The following C12orf42 variants were observed in gnomAD, a reference collection of about 807,000 sequenced individuals.
C12orf42 encodes the protein uncharacterized protein C12orf42.
C12orf42 carries 25 observed loss-of-function variants against 21.6 expected under a neutral mutation model. The observed-to-expected ratio is 1.16, with a 90% CI of 0.84 to 1.62. The LOEUF (loss-of-function observed/expected upper bound fraction) is 1.62, where lower values mean the gene tolerates loss of function less well. C12orf42 is among the 40% of genes most tolerant of loss of function. The pLI is 0.00. For synonymous variants in C12orf42, 174 were observed against 175.0 expected (o/e 0.99, Z 0.05); for missense variants, 483 against 459.3 (o/e 1.05, Z -0.47).
At chr12:103,063,772 A>G in the C12orf42 span, among the ~76,000 whole-genome samples, 23 of 152,302 alleles carry the variant, frequency 1.5e-4, 1 homozygote, top group South Asian at 4.6e-3. Flanking sequence ...GAGATATGCT[A>G]TGCTGATAAA....
At chr12:103,439,763 T>C (rs1951050840) in intron 2 of C12orf42, among the ~76,000 whole-genome samples, 1 of 151,896 alleles carries the variant, frequency 6.6e-6, no homozygotes, top group African/African-American at 2.4e-5. Flanking sequence ...AAACAACAGA[T>C]GCTGGAGAGG....
chr12:103,076,078 G>A, the C12orf42 span, among the ~76,000 whole-genome samples: 3 of 152,050 alleles, frequency 2.0e-5, no homozygotes, highest in Non-Finnish European at 4.4e-5. Context: ...GGGTCCTGTT[G>A]GGGGATGGGG....
At chr12:103,359,121 C>G (rs964471563) in intron 4 of C12orf42, among the ~76,000 whole-genome samples, 3 of 152,138 alleles carry the variant, frequency 2.0e-5, no homozygotes, top group African/African-American at 7.2e-5. Flanking sequence ...AGAGTTCTTC[C>G]CTGACCTCCA....
At chr12:103,087,830 TAA>T in the C12orf42 span, among the ~76,000 whole-genome samples, 1 of 152,258 alleles carries the variant, frequency 6.6e-6, no homozygotes, top group South Asian at 2.1e-4. Context: ...AGGACATGAT[TAA>T]AATGTTTAAT....
At chr12:103,259,945 G>C (rs954988795) in intron 10 of C12orf42, among the ~76,000 whole-genome samples, 1 of 152,026 alleles carries the variant, frequency 6.6e-6, no homozygotes, top group African/African-American at 2.4e-5. Flanking sequence ...CCAAGGTTCA[G>C]GTCAATCAGA....
At chr12:103,158,882 A>G in the C12orf42 span, among the ~76,000 whole-genome samples, 1 of 152,112 alleles carries the variant, frequency 6.6e-6, no homozygotes, top group Non-Finnish European at 1.5e-5. Flanking sequence ...TCAAAAAAAA[A>G]AAAAAAAATG....
intron 4 of C12orf42, among the ~76,000 whole-genome samples, chr12:103,294,587 A>AAGGAAGGAAGGAAGGAAGGAAGGAAG (rs1566025881): frequency 1.6e-5 from 1 of 61,502 alleles, no homozygotes; most frequent in African/African-American, 5.9e-5. Context: ...AAGGAAGGAA[A>AAGGAAGGAAGGAAGGAAGGAAGGAAG]GAAAGAAAGA....
the C12orf42 span, among the ~76,000 whole-genome samples, chr12:103,049,011 C>T: frequency 2.6e-5 from 4 of 152,188 alleles, no homozygotes; most frequent in Admixed American, 1.3e-4. Flanking sequence ...GGATAGGTTT[C>T]GTCCTTGCAC....
chr12:103,296,448 C>A (rs2037293334), intron 4 of C12orf42, among the ~76,000 whole-genome samples: 1 of 152,182 alleles, frequency 6.6e-6, no homozygotes, highest in African/African-American at 2.4e-5. Flanking sequence ...CAGTCTTCCA[C>A]AATGGTTGAA....
intron 4 of C12orf42, among the ~76,000 whole-genome samples, chr12:103,340,524 T>C (rs2042070432): frequency 1.3e-5 from 2 of 152,338 alleles, no homozygotes; most frequent in Non-Finnish European, 2.9e-5. Flanking sequence ...GTAACTTAAC[T>C]GTATCACAGA....
the C12orf42 span, among the ~76,000 whole-genome samples, chr12:103,048,750 G>A: frequency 1.3e-5 from 2 of 152,130 alleles, no homozygotes; most frequent in Non-Finnish European, 2.9e-5. Flanking sequence ...ACATGCTTCT[G>A]GATTCGCCTT....
At chr12:103,469,088 T>C (rs1188079356) in intron 2 of C12orf42, among the ~76,000 whole-genome samples, 1 of 152,188 alleles carries the variant, frequency 6.6e-6, no homozygotes, top group Admixed American at 6.5e-5. Flanking sequence ...GCTGACTCCC[T>C]TTCTCAGCCT....
the C12orf42 span, among the ~76,000 whole-genome samples, chr12:103,182,284 T>C: frequency 2.0e-5 from 3 of 152,194 alleles, no homozygotes; most frequent in African/African-American, 7.2e-5. Flanking sequence ...CATTTATTGG[T>C]CTTTTAAGGG....
intron 4 of C12orf42, among the ~76,000 whole-genome samples, chr12:103,311,286 CTTAT>C (rs1411035009): frequency 1.3e-5 from 2 of 151,776 alleles, no homozygotes; most frequent in African/African-American, 4.8e-5. Context: ...GGTGACTACG[CTTAT>C]TTATTTAGTT....
intron 4 of C12orf42, among the ~76,000 whole-genome samples, chr12:103,345,263 GTA>G (rs1412912580): frequency 6.6e-6 from 1 of 152,134 alleles, no homozygotes; most frequent in Non-Finnish European, 1.5e-5. Context: ...ACCTCTCTAT[GTA>G]TGTTTTCTCT....
At chr12:103,248,412 G>A (rs1238956769) in intron 10 of C12orf42, among the ~76,000 whole-genome samples, 2 of 152,062 alleles carry the variant, frequency 1.3e-5, no homozygotes, top group Admixed American at 1.3e-4. Flanking sequence ...CTAAAGCAGA[G>A]TGTTCGGAGC....
At chr12:103,543,164 T>G in the C12orf42 span, among the ~76,000 whole-genome samples, 1 of 152,192 alleles carries the variant, frequency 6.6e-6, no homozygotes, top group East Asian at 1.9e-4. Flanking sequence ...AGGTGGCTCT[T>G]AAGGAGCTGA....
the C12orf42 span, among the ~76,000 whole-genome samples, chr12:103,531,209 T>G: frequency 1.3e-5 from 2 of 152,222 alleles, no homozygotes; most frequent in African/African-American, 4.8e-5. Context: ...CAAGAGAGTT[T>G]CTTGATGACA....
At chr12:103,502,294 C>T in the C12orf42 span, among the ~76,000 whole-genome samples, 1 of 152,210 alleles carries the variant, frequency 6.6e-6, no homozygotes, top group Non-Finnish European at 1.5e-5. Context: ...TTCAACAAGA[C>T]TCCCAAATAC....
Sources: allele counts gnomAD v4.1 joint callset (sites outside exome capture counted in the v4.1 genomes callset), GRCh38; gene constraint gnomAD v4.1.1; transcripts MANE v1.5; gene names NCBI Gene and HGNC (gene_info 2026-07-23, HGNC 2026-07-21).